CFAP61: variants seen among roughly 807,000 people sequenced by gnomAD.
CFAP61 encodes the protein cilia and flagella associated protein 61.
In CFAP61, 107 loss-of-function variants were observed where a neutral mutation model predicts 135.6. That is an observed-to-expected ratio of 0.79 (90% CI 0.67 to 0.93). The LOEUF (loss-of-function observed/expected upper bound fraction) is 0.93. CFAP61 is among the 40% of genes least tolerant of loss of function. CFAP61 has a pLI of 0.00. For missense variants in CFAP61, 1,507 were observed against 1,556.2 expected (o/e 0.97, Z 0.53); for synonymous variants, 575 against 578.5 (o/e 0.99, Z 0.09).
intron 26 of CFAP61, among the ~76,000 whole-genome samples, chr20:20,349,464 C>T (rs972696266): frequency 2.0e-5 from 3 of 152,134 alleles, no homozygotes; most frequent in Non-Finnish European, 4.4e-5. Flanking sequence ...CTCATTACCA[C>T]GAGGACAGCA....
At position 20,191,419 on chromosome 20, in the gene CFAP61, G is replaced by T; in HGVS notation, c.1590G>T (p.Met530Ile). 1 of 1,604,150 alleles carries T rather than the reference G, an allele frequency of 6.2e-7. No individual in the cohort carries two copies. The highest frequency in any genetic ancestry group is 8.5e-7 in the Non-Finnish European group (1 of 1,172,730). The part of the protein sequence containing the change: ...IVGIAVIRNE[M>I]DIEYIRSHYN... ...GTATTGCAGTGATCAGAAATGAAAT[G>T]GTAAATTGTGAAGTGGATATAAATT... The change falls in exon 15 of 27, where the codon ATG (methionine) becomes ATT (isoleucine). Residue 530 changes from methionine (M) to isoleucine (I), a missense_variant and splice_region_variant. Transcript: ENST00000245957.
rs2059392568 is a variant in CFAP61 at position 20,359,421 on chromosome 20, T to C, written c.3514-789T>C. ...GGCTCATGCCTGTAATCCCAGCACT[T>C]TGGGAGGCCGAGGTGGGCAGATCAC... On this transcript the variant is annotated intron_variant, in intron 26 of 26. Coordinates refer to ENST00000245957, the MANE Select transcript of CFAP61 (RefSeq NM_015585.4). The surrounding 1 kb of genome is among the most constrained non-coding windows in gnomAD (Gnocchi z 4.0). 1.3e-5 allele frequency among the ~76,000 whole-genome samples: 2 copies of C among 152,102 alleles called. No individual in the cohort carries two copies. Among genetic ancestry groups the C allele is most frequent in the South Asian group, 4.2e-4 (2 of 4,810 alleles).
At chr20:20,287,978 C>T (rs555247045) in intron 22 of CFAP61, among the ~76,000 whole-genome samples, 1 of 152,278 alleles carries the variant, frequency 6.6e-6, no homozygotes, top group South Asian at 2.1e-4. Context: ...CACCCTCACA[C>T]AGTGCCTGGC....
At chr20:20,225,206 G>C (rs1318718203) in intron 17 of CFAP61, 1 of 152,186 alleles carries the variant, frequency 6.6e-6, no homozygotes, top group Non-Finnish European at 1.5e-5. Flanking sequence ...TGTCACTGAA[G>C]GATGTTTCCA....
At chr20:20,133,384 C>T (rs942505822) in intron 8 of CFAP61, among the ~76,000 whole-genome samples, 1 of 152,122 alleles carries the variant, frequency 6.6e-6, no homozygotes, top group Non-Finnish European at 1.5e-5. Context: ...CCCTCTCATC[C>T]TTTAGGAGGC....
intron 6 of CFAP61, among the ~76,000 whole-genome samples, chr20:20,087,178 G>A (rs1466949124): frequency 3.3e-5 from 5 of 152,116 alleles, no homozygotes; most frequent in African/African-American, 7.2e-5. Flanking sequence ...ACATGTGCAG[G>A]TTTGTTACCC....
Position 20,285,819 on chromosome 20 carries a change from G to A in CFAP61, c.2797-2790G>A, listed in dbSNP as rs563787980. On this transcript the variant is annotated intron_variant, in intron 22 of 26. Transcript: ENST00000245957. ...CCTGTAGTTCCAGCTACATGGGGGG[G>A]CTGAGGCAGAAGGATTCCTTGAACC... Among the ~76,000 whole-genome samples, 20 of 151,672 alleles carry A rather than the reference G, an allele frequency of 1.3e-4. No homozygotes were observed. The East Asian group carries it at 2.9e-3, about 22-fold the overall frequency.
chr20:20,222,857 C>T (rs2048491845), intron 17 of CFAP61, among the ~76,000 whole-genome samples: 1 of 152,074 alleles, frequency 6.6e-6, no homozygotes. Context: ...ATTTGTTTTG[C>T]TCAAATTGGG....
At chr20:20,238,205 G>C (rs1015724331) in intron 18 of CFAP61, among the ~76,000 whole-genome samples, 1 of 152,124 alleles carries the variant, frequency 6.6e-6, no homozygotes, top group Non-Finnish European at 1.5e-5. Context: ...GTGTGGATTT[G>C]TTTTGCCTCT....
chr20:20,307,738 A>T (rs1269123641), intron 25 of CFAP61, among the ~76,000 whole-genome samples: 1 of 152,234 alleles, frequency 6.6e-6, no homozygotes, highest in African/African-American at 2.4e-5. Context: ...AAATTTATTT[A>T]GAGAGAGGTC....
intron 16 of CFAP61, among the ~76,000 whole-genome samples, chr20:20,198,074 A>C (rs2056408696): frequency 6.6e-6 from 1 of 152,258 alleles, no homozygotes; most frequent in African/African-American, 2.4e-5. Context: ...TGGGGAAGAA[A>C]GAAGAAAAAC....
At chr20:20,087,402 C>T (rs1420097421) in intron 6 of CFAP61, among the ~76,000 whole-genome samples, 1 of 152,044 alleles carries the variant, frequency 6.6e-6, no homozygotes, top group Non-Finnish European at 1.5e-5. Context: ...TTTTTTTGTT[C>T]CTGCATTAAT....
Position 20,159,453 on chromosome 20 carries a change from T to G in CFAP61, c.1026+9T>G. Reference sequence around the variant, plus strand: ...ATGTTAGTGAACCGGAGGTAGGGTTTGACGAGGGCCTTTGCGTGCCTTCTA... The same window carrying G: ...ATGTTAGTGAACCGGAGGTAGGGTTGGACGAGGGCCTTTGCGTGCCTTCTA... On this transcript the variant is annotated intron_variant, in intron 10 of 26. Coordinates refer to ENST00000245957, the MANE Select transcript of CFAP61 (RefSeq NM_015585.4). The G allele has an allele frequency of 7.4e-6, 12 of 1,613,266 alleles. No individual in the cohort carries two copies. Among genetic ancestry groups the G allele is most frequent in the Non-Finnish European group, 1.0e-5 (12 of 1,179,226 alleles).
At chr20:20,074,553 G>T (rs2045930868) in intron 4 of CFAP61, among the ~76,000 whole-genome samples, 175 bp downstream of exon 4, 1 of 152,150 alleles carries the variant, frequency 6.6e-6, no homozygotes, top group African/African-American at 2.4e-5. Context: ...ATAGTTCTTT[G>T]AATCTATTGT....
At chr20:20,268,560 T>C (rs1207547427) in intron 21 of CFAP61, among the ~76,000 whole-genome samples, 1 of 152,150 alleles carries the variant, frequency 6.6e-6, no homozygotes, top group Non-Finnish European at 1.5e-5. Context: ...CCAGAGGACA[T>C]GGTTTTCCGG....
chr20:20,207,143 C>T (rs560712252), intron 17 of CFAP61, among the ~76,000 whole-genome samples: 1 of 152,308 alleles, frequency 6.6e-6, no homozygotes, highest in East Asian at 1.9e-4. Flanking sequence ...AACTCAGCAG[C>T]CTCTTGTGGT....
chr20:20,092,080 A>G (rs1278418432), intron 7 of CFAP61, among the ~76,000 whole-genome samples: 2 of 152,336 alleles, frequency 1.3e-5, no homozygotes, highest in East Asian at 1.9e-4. Flanking sequence ...CAGGCCATTC[A>G]TTGCATTCAG....
Position 20,199,805 on chromosome 20 carries a change from T to C in CFAP61, c.1835T>C (p.Leu612Pro). 1 of 1,614,178 alleles carries C rather than the reference T, an allele frequency of 6.2e-7. No individual in the cohort carries two copies. The highest frequency in any genetic ancestry group is 8.5e-7 in the Non-Finnish European group (1 of 1,179,998). The change falls in exon 17 of 27, where the codon CTT becomes CCT. Residue 612 changes from leucine to proline, a missense_variant. Physicochemically the swap from Leu to Pro is moderately conservative, Grantham distance 98 (BLOSUM62 -3). Coordinates refer to ENST00000245957, the MANE Select transcript of CFAP61 (RefSeq NM_015585.4). Reference protein sequence around the residue: ...NPYAHSLTSALHYLVPVRPRR... With the variant: ...NPYAHSLTSAPHYLVPVRPRR... ...TACGCCCACTCCCTGACATCTGCCC[T>C]TCATTACTTGGTTCCCGTGCGACCA...
At chr20:20,195,458 C>T (rs978420819) in intron 15 of CFAP61, among the ~76,000 whole-genome samples, 2 of 152,182 alleles carry the variant, frequency 1.3e-5, no homozygotes, top group Non-Finnish European at 2.9e-5. Flanking sequence ...TCACACTCAC[C>T]TTGGAGTGCT....
Sources: gnomAD v4.1 joint callset for allele counts (sites outside exome capture counted in the v4.1 genomes callset) on GRCh38, gnomAD v4.1.1 for gene constraint, Gnocchi (gnomAD v3.1) non-coding constraint, MANE v1.5 for transcripts, NCBI Gene and HGNC (gene_info 2026-07-23, HGNC 2026-07-21) for gene names.